Variants in RBMS3 observed in about 807,000 individuals in gnomAD.
RBMS3 encodes RNA binding motif single stranded interacting protein 3, also known as RNA-binding motif, single-stranded-interacting protein 3.
RBMS3 carries 27 observed loss-of-function variants against 66.8 expected under a neutral mutation model. The observed-to-expected ratio is 0.40, with a 90% CI of 0.30 to 0.56. RBMS3 has a LOEUF of 0.56. RBMS3 is among the 20% of genes least tolerant of loss of function. The pLI is 0.40. For synonymous variants in RBMS3, 188 were observed against 183.0 expected (o/e 1.03, Z -0.22); for missense variants, 513 against 549.5 (o/e 0.93, Z 0.66).
At chr3:29,305,930 C>T (rs2033978353) in intron 1 of RBMS3, among the ~76,000 whole-genome samples, 1 of 151,988 alleles carries the variant, frequency 6.6e-6, no homozygotes, top group African/African-American at 2.4e-5. Flanking sequence ...CCCACTGACT[C>T]AGCTGTCACA....
chr3:29,776,797 C>A (rs537671352), intron 6 of RBMS3, among the ~76,000 whole-genome samples: 67 of 151,952 alleles, frequency 4.4e-4, no homozygotes, highest in African/African-American at 1.5e-3. Context: ...TCCTTTGCAA[C>A]TAGGTAAGGA....
At chr3:29,894,439 A>T (rs1421063131) in intron 8 of RBMS3, among the ~76,000 whole-genome samples, 1 of 149,686 alleles carries the variant, frequency 6.7e-6, no homozygotes, top group African/African-American at 2.5e-5. Flanking sequence ...CTGGTCTCAA[A>T]CTCCTGGGGC....
At chr3:29,615,470 GCACA>G (rs112880454) in intron 4 of RBMS3, among the ~76,000 whole-genome samples, 94 of 144,504 alleles carry the variant, frequency 6.5e-4, no homozygotes, top group East Asian at 1.0e-3. Context: ...ACTACAGTTA[GCACA>G]CACACACACA....
intron 1 of RBMS3, among the ~76,000 whole-genome samples, chr3:29,428,227 A>AG (rs1332246310): frequency 6.6e-6 from 1 of 152,022 alleles, no homozygotes; most frequent in African/African-American, 2.4e-5. Flanking sequence ...CCAACCCTAC[A>AG]GGGGGACATT....
chr3:29,357,271 T>A (rs1278952636), intron 1 of RBMS3, among the ~76,000 whole-genome samples: 1 of 152,128 alleles, frequency 6.6e-6, no homozygotes, highest in African/African-American at 2.4e-5. Flanking sequence ...ATTGTTCAAT[T>A]CCCACCTATG....
At chr3:29,946,884 G>A (rs978811696) in intron 12 of RBMS3, among the ~76,000 whole-genome samples, 19 of 151,468 alleles carry the variant, frequency 1.3e-4, no homozygotes, top group South Asian at 2.1e-4. Flanking sequence ...GATTTTCTGC[G>A]GTCATGATTA....
At chr3:29,331,102 G>A (rs2035625762) in intron 1 of RBMS3, among the ~76,000 whole-genome samples, 1 of 152,168 alleles carries the variant, frequency 6.6e-6, no homozygotes, top group Non-Finnish European at 1.5e-5. Context: ...AAACCGAATT[G>A]ATTATGCTGA....
chr3:29,990,686 T>C (rs1250369171), intron 13 of RBMS3, among the ~76,000 whole-genome samples: 3 of 152,284 alleles, frequency 2.0e-5, no homozygotes, highest in Non-Finnish European at 4.4e-5. Context: ...TCCATTGTTA[T>C]CCCAAATGGT....
intron 9 of RBMS3, among the ~76,000 whole-genome samples, chr3:29,898,909 C>G (rs1232230761): frequency 6.6e-6 from 1 of 151,520 alleles, no homozygotes; most frequent in African/African-American, 2.4e-5. Context: ...GAATTTAACT[C>G]TAGCTCCCTT....
At chr3:29,573,424 T>C (rs2149070513) in intron 3 of RBMS3, among the ~76,000 whole-genome samples, 1 of 152,336 alleles carries the variant, frequency 6.6e-6, no homozygotes, top group Non-Finnish European at 1.5e-5. Context: ...GCTTCCTTTT[T>C]CATCTCTTAT....
intron 4 of RBMS3, among the ~76,000 whole-genome samples, chr3:29,629,027 T>C (rs748072281): frequency 7.1e-4 from 108 of 152,102 alleles, no homozygotes; most frequent in Non-Finnish European, 1.4e-3. Context: ...CCACCCATTC[T>C]TGATGTTTTG....
chr3:29,281,631 A>G lies in RBMS3; in HGVS notation c.-51A>G. The G allele has an allele frequency of 6.7e-7, 1 of 1,495,470 alleles. No individual in the cohort carries two copies. Among genetic ancestry groups the G allele is most frequent in the Admixed American group, 1.7e-5 (1 of 59,718 alleles). The allele number at this position is 1,495,470 out of a possible 1,614,324, so 92.6% of individuals were successfully genotyped here. On this transcript the variant is annotated 5_prime_UTR_variant, in exon 1 of 15. Transcript: ENST00000383767. ...TTTAAGAGGAAGCTCGGCCTGGGGC[A>G]CTATACCCTGTCATCCAGTTCCCTG...
intron 5 of RBMS3, among the ~76,000 whole-genome samples, chr3:29,761,549 C>A (rs1002413004): frequency 6.6e-6 from 1 of 152,094 alleles, no homozygotes; most frequent in Non-Finnish European, 1.5e-5. Flanking sequence ...AGATTCCGTG[C>A]CTCTTCTCAG....
At chr3:29,868,759 T>C in intron 6 of RBMS3, 99 bp from the exon 7 acceptor site, 2 of 1,055,002 alleles carry the variant, frequency 1.9e-6, no homozygotes, top group Non-Finnish European at 2.8e-6. Context: ...AAGATGTTAC[T>C]TCAAAAGATA....
intron 8 of RBMS3, among the ~76,000 whole-genome samples, chr3:29,885,821 A>G (rs1404734549): frequency 6.6e-6 from 1 of 151,792 alleles, no homozygotes; most frequent in East Asian, 1.9e-4. Context: ...CTACCTGTCT[A>G]TAGTATTTAT....
chr3:29,816,544 T>C (rs2057909634), intron 6 of RBMS3, among the ~76,000 whole-genome samples: 1 of 152,158 alleles, frequency 6.6e-6, no homozygotes, highest in South Asian at 2.1e-4. Context: ...CTAAGCATTC[T>C]TCCTTTGATT....
At chr3:29,767,371 C>T (rs2055977666) in intron 6 of RBMS3, 1 of 150,028 alleles carries the variant, frequency 6.7e-6, no homozygotes, top group Non-Finnish European at 1.5e-5. Context: ...AATGGAATAA[C>T]TAACTTCTGG....
chr3:29,559,156 C>A (rs979535254), intron 3 of RBMS3, among the ~76,000 whole-genome samples: 1 of 151,816 alleles, frequency 6.6e-6, no homozygotes, highest in East Asian at 1.9e-4. Context: ...TAGACTATAT[C>A]CTTATAGTTA....
intron 5 of RBMS3, among the ~76,000 whole-genome samples, chr3:29,748,351 A>G (rs1438782043): frequency 1.3e-5 from 2 of 152,212 alleles, no homozygotes; most frequent in Non-Finnish European, 2.9e-5. Flanking sequence ...TTCAGAAAAT[A>G]TGATTAAGTA....
Sources: allele counts gnomAD v4.1 joint callset (sites outside exome capture counted in the v4.1 genomes callset), GRCh38; gene constraint gnomAD v4.1.1; transcripts MANE v1.5; gene names NCBI Gene and HGNC (gene_info 2026-07-23, HGNC 2026-07-21).